THSD7A: variants seen among roughly 807,000 people sequenced by gnomAD.
THSD7A encodes the protein thrombospondin type-1 domain-containing protein 7A.
A neutral mutation model predicts 231.3 loss-of-function variants in THSD7A; 96 were observed. The observed-to-expected ratio is 0.41, with a 90% CI of 0.35 to 0.49. The LOEUF (loss-of-function observed/expected upper bound fraction) is 0.49, where lower values mean the gene tolerates loss of function less well. Ranked by LOEUF, THSD7A falls within the 20% of genes least tolerant of loss-of-function variation. The pLI, the probability that THSD7A is intolerant of heterozygous loss-of-function variation, is 0.05. For synonymous variants in THSD7A, 940 were observed against 743.3 expected (o/e 1.26, Z -4.30); for missense variants, 2,290 against 2,070.2 (o/e 1.11, Z -2.06).
intron 23 of THSD7A, among the ~76,000 whole-genome samples, chr7:11,399,006 G>A (rs997906452): frequency 2.6e-5 from 4 of 152,132 alleles, no homozygotes; most frequent in African/African-American, 4.8e-5. Flanking sequence ...GGACTAGGCC[G>A]CCTTCTACCA....
At chr7:11,808,060 T>C (rs1024506778) in intron 1 of THSD7A, among the ~76,000 whole-genome samples, 1 of 152,038 alleles carries the variant, frequency 6.6e-6, no homozygotes, top group Admixed American at 6.6e-5. Flanking sequence ...CATCTATACA[T>C]TTTTCCATAC....
chr7:11,571,427 G>A (rs549413441), intron 4 of THSD7A, among the ~76,000 whole-genome samples: 5 of 152,190 alleles, frequency 3.3e-5, no homozygotes, highest in Non-Finnish European at 5.9e-5. Flanking sequence ...CATTGGCCGT[G>A]CCTTATATTT....
Position 11,549,243 on chromosome 7 carries a change from T to C in THSD7A, c.1454-6126A>G, listed in dbSNP as rs149709191. ...CTATTACTAAAAAGTCAAGAAACAATACATGCTGGCAAGGTTGTGGAGAAA... is the reference window on the plus strand; with the variant it reads ...CTATTACTAAAAAGTCAAGAAACAACACATGCTGGCAAGGTTGTGGAGAAA... On this transcript the variant is annotated intron_variant, in intron 4 of 27. Coordinates refer to ENST00000423059, the MANE Select transcript of THSD7A (RefSeq NM_015204.3). 3.5e-3 allele frequency among the ~76,000 whole-genome samples: 535 copies of C among 152,068 alleles called. 8 individuals are homozygous for C. The highest frequency in any genetic ancestry group is 0.012 in the African/African-American group (510 of 41,512).
At chr7:11,780,764 A>G (rs1783597378) in intron 1 of THSD7A, among the ~76,000 whole-genome samples, 2 of 152,090 alleles carry the variant, frequency 1.3e-5, no homozygotes, top group South Asian at 4.1e-4. Context: ...TTAGACAGCA[A>G]TGGATAACCA....
intron 4 of THSD7A, among the ~76,000 whole-genome samples, chr7:11,578,050 T>C (rs908880687): frequency 6.6e-6 from 1 of 152,208 alleles, no homozygotes; most frequent in African/African-American, 2.4e-5. Flanking sequence ...TGTTAGCCCA[T>C]GGCAGGATTT....
At chr7:11,439,305 C>T (rs915579036) in intron 13 of THSD7A, among the ~76,000 whole-genome samples, 1 of 151,918 alleles carries the variant, frequency 6.6e-6, no homozygotes, top group Non-Finnish European at 1.5e-5. Flanking sequence ...CTTTGCAGAT[C>T]GTGCATTTTT....
In THSD7A at chr7:11,463,064, ATT is replaced by A. The variant is rs1785565756; in HGVS notation, c.2369-923_2369-922del. Among the ~76,000 whole-genome samples the A allele has an allele frequency of 2.0e-5, 3 of 152,286 alleles. No individual in the cohort carries two copies. In the South Asian group the frequency reaches 6.2e-4, roughly 32 times the overall value. ...AGAATCCTCCTGATGCATTTTCATTATTTTGCAAGATCTTCAAATATTTCATA... is the reference window on the plus strand; with the variant it reads ...AGAATCCTCCTGATGCATTTTCATTATTGCAAGATCTTCAAATATTTCATA... On this transcript the variant is annotated intron_variant, in intron 9 of 27. Coordinates refer to ENST00000423059, the MANE Select transcript of THSD7A (RefSeq NM_015204.3).
chr7:11,484,118 A>G (rs1786547209), intron 6 of THSD7A, among the ~76,000 whole-genome samples: 1 of 150,796 alleles, frequency 6.6e-6, no homozygotes, highest in Non-Finnish European at 1.5e-5. Context: ...CACTCCTTCT[A>G]CCACCCTTAA....
chr7:11,608,529 C>T (rs1398479433), intron 2 of THSD7A, among the ~76,000 whole-genome samples: 2 of 152,250 alleles, frequency 1.3e-5, no homozygotes, highest in East Asian at 3.9e-4. Flanking sequence ...GTTCACCTGA[C>T]CTGACCATTC....
At chr7:11,569,837 T>C (rs1224210017) in intron 4 of THSD7A, among the ~76,000 whole-genome samples, 1 of 152,216 alleles carries the variant, frequency 6.6e-6, no homozygotes, top group African/African-American at 2.4e-5. Flanking sequence ...GGTATACTAT[T>C]CATCCATACA....
intron 1 of THSD7A, among the ~76,000 whole-genome samples, chr7:11,662,681 T>C (rs1782974719): frequency 6.6e-6 from 1 of 151,262 alleles, no homozygotes; most frequent in Admixed American, 6.6e-5. Context: ...AAAGTAAATC[T>C]CAATAAACCT....
At chr7:11,529,618 C>CTCTT (rs35665600) in intron 6 of THSD7A, among the ~76,000 whole-genome samples, 5 of 151,358 alleles carry the variant, frequency 3.3e-5, no homozygotes, top group African/African-American at 4.8e-5. Flanking sequence ...CTCTCTCTCT[C>CTCTT]GCTGCCATAT....
chr7:11,577,625 C>T (rs1186940689), intron 4 of THSD7A, among the ~76,000 whole-genome samples: 1 of 150,892 alleles, frequency 6.6e-6, no homozygotes, highest in Non-Finnish European at 1.5e-5. Context: ...CCTCTAAACC[C>T]TATGTTTTTA....
Position 11,556,951 on chromosome 7 carries a change from A to G in THSD7A, c.1454-13834T>C, listed in dbSNP as rs1021449707. Among the ~76,000 whole-genome samples, 36 of 152,074 alleles carry G rather than the reference A, an allele frequency of 2.4e-4. No individual in the cohort carries two copies. The East Asian group carries it at 7.0e-3, about 29-fold the overall frequency. On this transcript the variant is annotated intron_variant, in intron 4 of 27. Transcript: ENST00000423059. ...CTTGGCATGTATTTCTTCAGGTTTA[A>G]CTTATTTGGAATTCATCCAGCTTCT...
At position 11,375,559 on chromosome 7, in the gene THSD7A, TGC is replaced by T; in HGVS notation, c.*233_*234del. On this transcript the variant is annotated 3_prime_UTR_variant, in exon 28 of 28. Transcript: ENST00000423059. ...AAAAGATGACATAAAACTTTCAGAA[TGC>T]AGCATGTATTCAGCTAAATCTCCTA... is the stretch of plus-strand genomic sequence containing the variant. 2.8e-6 allele frequency: 1 copy of T among 353,616 alleles called. No individual in the cohort carries two copies. The highest frequency in any genetic ancestry group is 7.5e-4 in the Middle Eastern group (1 of 1,328). 21.9% of individuals were successfully genotyped at this position (353,616 alleles called of 1,614,324 possible).
chr7:11,473,945 T>A (rs866189464), intron 8 of THSD7A, among the ~76,000 whole-genome samples: 1 of 152,108 alleles, frequency 6.6e-6, no homozygotes, highest in Non-Finnish European at 1.5e-5. Flanking sequence ...TTAAACTAGA[T>A]TGGGCAGCCT....
intron 6 of THSD7A, among the ~76,000 whole-genome samples, chr7:11,491,383 A>T (rs1437645682): frequency 6.7e-6 from 1 of 150,142 alleles, no homozygotes; most frequent in African/African-American, 2.4e-5. Context: ...GAGTACTAAG[A>T]CACATGGCAT....
chr7:11,798,930 C>CT (rs11338039), intron 1 of THSD7A, among the ~76,000 whole-genome samples: 133 of 147,210 alleles, frequency 9.0e-4, no homozygotes, highest in African/African-American at 2.4e-3. Context: ...TTGAACAACT[C>CT]TTTTTTTTTT....
chr7:11,491,664 C>G (rs973488440), intron 6 of THSD7A, among the ~76,000 whole-genome samples: 2 of 152,016 alleles, frequency 1.3e-5, no homozygotes, highest in African/African-American at 4.8e-5. Flanking sequence ...TACAATCACC[C>G]AAATAGTCAC....
Sources: gnomAD v4.1 joint callset for allele counts (sites outside exome capture counted in the v4.1 genomes callset) on GRCh38, gnomAD v4.1.1 for gene constraint, MANE v1.5 for transcripts, NCBI Gene and HGNC (gene_info 2026-07-23, HGNC 2026-07-21) for gene names.